EYS: variants seen among roughly 807,000 people sequenced by gnomAD.
EYS encodes protein eyes shut homolog.
EYS carries 250 observed loss-of-function variants against 282.1 expected under a neutral mutation model. That is an observed-to-expected ratio of 0.89 (90% CI 0.80 to 0.98). The LOEUF (loss-of-function observed/expected upper bound fraction) is 0.98, where lower values mean the gene tolerates loss of function less well. EYS is among the 50% of genes least tolerant of loss of function. The pLI, the probability that EYS is intolerant of heterozygous loss-of-function variation, is 0.00. For missense variants in EYS, 4,016 were observed against 3,709.0 expected, an observed-to-expected ratio of 1.08 and a Z score of -2.15; for synonymous variants, 1,355 against 1,282.9, an observed-to-expected ratio of 1.06 and a Z score of -1.20.
rs554553173 is a variant in EYS at position 65,537,626 on chromosome 6, T to A, written c.-332-41633A>T. ...TACTATTAGTTGGAAAATCAAAAAT[T>A]CATTTCAAAAGAAAACAGAAATTAA... On this transcript the variant is annotated intron_variant, in intron 2 of 42. Transcript: ENST00000503581. Among the ~76,000 whole-genome samples the A allele has an allele frequency of 5.3e-5, 8 of 152,216 alleles. No homozygotes were observed. In the South Asian group the frequency reaches 1.7e-3, roughly 32 times the overall value.
intron 29 of EYS, among the ~76,000 whole-genome samples, chr6:64,384,775 G>C (rs1772857419): frequency 6.6e-6 from 1 of 152,148 alleles, no homozygotes; most frequent in Admixed American, 6.5e-5. Flanking sequence ...AGGGGAAGCA[G>C]AGTTTTTCAC....
chr6:64,021,692 G>T (rs1288029354), intron 33 of EYS, among the ~76,000 whole-genome samples: 1 of 152,072 alleles, frequency 6.6e-6, no homozygotes, highest in Non-Finnish European at 1.5e-5. Flanking sequence ...ACATTCACAT[G>T]GTCCAAGATT....
chr6:65,117,541 C>T (rs1162511787), intron 12 of EYS, among the ~76,000 whole-genome samples: 3 of 152,050 alleles, frequency 2.0e-5, no homozygotes, highest in Non-Finnish European at 4.4e-5. Flanking sequence ...CATAAATTTT[C>T]AAGAATAAGT....
At position 64,177,416 on chromosome 6, in the gene EYS, C is replaced by G. The variant is rs545135675; in HGVS notation, c.6424+53176G>C. Among the ~76,000 whole-genome samples, 33 of 151,920 alleles carry G rather than the reference C, an allele frequency of 2.2e-4. 1 individual carries two copies. In the South Asian group the frequency reaches 6.6e-3, roughly 31 times the overall value. ...CCTTTCTTCAGTCTTCCTCTGTAAA[C>G]TATTGTAAAGCTAATCAGTGTTAAT... On this transcript the variant is annotated intron_variant, in intron 31 of 42. Coordinates refer to ENST00000503581, the MANE Select transcript of EYS (RefSeq NM_001142800.2).
At chr6:64,213,608 G>A (rs74420778) in intron 31 of EYS, among the ~76,000 whole-genome samples, 4,135 of 152,186 alleles carry the variant, frequency 0.027, 59 homozygotes, top group African/African-American at 0.043. Context: ...TCACAATTCC[G>A]TTAAAGTTTC....
Position 64,855,761 on chromosome 6 carries a change from C to G in EYS, c.2992+30936G>C, listed in dbSNP as rs1766039855. On this transcript the variant is annotated intron_variant, in intron 19 of 42. Transcript: ENST00000503581. ...AAATAGTTTCACTACTCTCAAAATC[C>G]CATGTGCTTTACCACTTTCCTCCCC... Among the ~76,000 whole-genome samples the G allele has an allele frequency of 3.9e-5, 6 of 152,098 alleles. 1 individual carries two copies. The highest frequency in any genetic ancestry group is 3.3e-4 in the Admixed American group (5 of 15,256).
At chr6:64,792,987 T>C (rs1774238588) in intron 22 of EYS, among the ~76,000 whole-genome samples, 1 of 151,436 alleles carries the variant, frequency 6.6e-6, no homozygotes, top group South Asian at 2.1e-4. Context: ...TTCATAATTA[T>C]ATGGAAACAT....
chr6:63,858,779 G>T (rs1213655887), intron 36 of EYS, among the ~76,000 whole-genome samples: 4 of 152,160 alleles, frequency 2.6e-5, no homozygotes, highest in African/African-American at 9.7e-5. Context: ...TGTTGAGTTG[G>T]AGAGAGAAAG....
intron 2 of EYS, among the ~76,000 whole-genome samples, chr6:65,566,101 A>T (rs1259344450): frequency 6.6e-6 from 1 of 151,872 alleles, no homozygotes; most frequent in African/African-American, 2.4e-5. Flanking sequence ...GTATTAAAAA[A>T]AAAAAGAATT....
chr6:65,154,301 T>C lies in EYS; in HGVS notation c.2024-96574A>G, dbSNP rs560658185. Among the ~76,000 whole-genome samples, 366 of 148,376 alleles carry C rather than the reference T, an allele frequency of 2.5e-3. 2 individuals carry two copies. Among genetic ancestry groups the C allele is most frequent in the Middle Eastern group, 0.014 (4 of 288 alleles). On this transcript the variant is annotated intron_variant, in intron 12 of 42. Transcript: ENST00000503581. ...TTAAAATGGACAAAAGTAGAAAAAA[T>C]TTCAAAAGAAAGGAGCAAAGAAAAG...
Position 63,918,426 on chromosome 6 carries a change from T to C in EYS, c.7056-54068A>G, listed in dbSNP as rs139799591. On this transcript the variant is annotated intron_variant, in intron 35 of 42. Coordinates refer to ENST00000503581, the MANE Select transcript of EYS (RefSeq NM_001142800.2). ...TTCTTTGACCATTAGTTCAATTCCA[T>C]AGATGAAAATTGCATTTCCACCCTG... Among the ~76,000 whole-genome samples, 1,045 of 152,338 alleles carry C rather than the reference T, an allele frequency of 6.9e-3. 14 individuals carry two copies. Among genetic ancestry groups the C allele is most frequent in the African/African-American group, 0.022 (929 of 41,570 alleles).
At chr6:65,562,260 C>G (rs1769092060) in intron 2 of EYS, among the ~76,000 whole-genome samples, 1 of 151,938 alleles carries the variant, frequency 6.6e-6, no homozygotes, top group African/African-American at 2.4e-5. Context: ...CTAGCAAAGA[C>G]AAGAAAACAT....
chr6:64,801,529 G>T (rs977909106), intron 22 of EYS, among the ~76,000 whole-genome samples: 3 of 130,254 alleles, frequency 2.3e-5, no homozygotes, highest in African/African-American at 7.4e-5. Context: ...TGCTGAAATT[G>T]TTATATACTC....
chr6:65,121,735 G>A (rs181315750), intron 12 of EYS, among the ~76,000 whole-genome samples: 1 of 152,190 alleles, frequency 6.6e-6, no homozygotes, highest in East Asian at 1.9e-4. Context: ...ACTCTACAGT[G>A]ATACGTGTAT....
At chr6:65,579,357 T>C (rs891307605) in intron 2 of EYS, among the ~76,000 whole-genome samples, 7 of 152,134 alleles carry the variant, frequency 4.6e-5, no homozygotes, top group African/African-American at 1.7e-4. Flanking sequence ...ATAAACAGTA[T>C]GCTGATATTT....
intron 1 of EYS, among the ~76,000 whole-genome samples, chr6:65,673,591 G>A (rs1481799327): frequency 1.3e-5 from 2 of 152,070 alleles, no homozygotes; most frequent in African/African-American, 4.8e-5. Flanking sequence ...GTTGGAGGCT[G>A]AGCTTGATGA....
chr6:64,641,110 C>T (rs528522918), intron 22 of EYS, among the ~76,000 whole-genome samples: 1 of 152,016 alleles, frequency 6.6e-6, no homozygotes, highest in East Asian at 1.9e-4. Context: ...AATGACATAC[C>T]CAAGACTGGG....
chr6:64,602,589 C>A (rs1053497144), intron 24 of EYS, among the ~76,000 whole-genome samples: 1 of 152,018 alleles, frequency 6.6e-6, no homozygotes, highest in Non-Finnish European at 1.5e-5. Flanking sequence ...AAACATTTTC[C>A]CCTTTTCCCA....
intron 1 of EYS, among the ~76,000 whole-genome samples, chr6:65,680,117 A>AC (rs1562324682): frequency 2.9e-5 from 3 of 102,144 alleles, no homozygotes; most frequent in Admixed American, 1.9e-4. Context: ...CACACACACA[A>AC]AGCAAATGTT....
Sources: gnomAD v4.1 joint callset for allele counts (sites outside exome capture counted in the v4.1 genomes callset) on GRCh38, gnomAD v4.1.1 for gene constraint, MANE v1.5 for transcripts, NCBI Gene and HGNC (gene_info 2026-07-23, HGNC 2026-07-21) for gene names.